Variants in TMEM236 observed in about 807,000 individuals in gnomAD.
TMEM236 encodes the protein family with sequence similarity 23, member A.
A neutral mutation model predicts 14.7 loss-of-function variants in TMEM236; 11 were observed. The observed-to-expected ratio is 0.75, with a 90% confidence interval of 0.47 to 1.24. The LOEUF is 1.24. Among genes scored for constraint, TMEM236 ranks in the 50% most tolerant of loss-of-function variants. The pLI is 0.00. For missense variants in TMEM236, 464 were observed against 427.3 expected, an observed-to-expected ratio of 1.09 and a Z score of -0.76; for synonymous variants, 182 against 168.6, an observed-to-expected ratio of 1.08 and a Z score of -0.62.
chr10:17,780,818 C>G (rs1837735411), intron 3 of TMEM236, among the ~76,000 whole-genome samples: 1 of 152,188 alleles, frequency 6.6e-6, no homozygotes, highest in African/African-American at 2.4e-5. Context: ...AGCTCTCTCT[C>G]TTTCGAGACA....
intron 3 of TMEM236, among the ~76,000 whole-genome samples, chr10:17,786,823 C>A (rs1212650292): frequency 6.6e-6 from 1 of 152,134 alleles, no homozygotes; most frequent in Non-Finnish European, 1.5e-5. Flanking sequence ...GTGGGAGGGT[C>A]CCAGGGGGAG....
intron 3 of TMEM236, among the ~76,000 whole-genome samples, chr10:17,789,198 A>T (rs1431547297): frequency 1.3e-5 from 2 of 152,170 alleles, no homozygotes; most frequent in South Asian, 4.1e-4. Context: ...TTTCTTTGTG[A>T]TGTGAACAGG....
rs920003944 is a variant in TMEM236, at chr10:17,798,775, A to G, written c.*2271A>G. 2.2e-4 allele frequency: 110 copies of G among 501,342 alleles called. No homozygotes were observed. The highest frequency in any genetic ancestry group is 3.5e-4 in the Non-Finnish European group (86 of 243,112). 31.1% of individuals were successfully genotyped at this position (501,342 alleles called of 1,614,324 possible). ...TGAACATAATACTAGTACTACATTA[A>G]TAGGGTTAGGAGGGTTAAAGGGTAA... is the stretch of plus-strand genomic sequence containing the variant. On this transcript the variant is annotated 3_prime_UTR_variant, in exon 4 of 4. Transcript: ENST00000377495.
chr10:17,799,318 A>G lies in TMEM236; in HGVS notation c.*2814A>G, dbSNP rs1204717415. On this transcript the variant is annotated 3_prime_UTR_variant, in exon 4 of 4. Transcript: ENST00000377495. ...TTATAACTTAAAAAAATTATAATAC[A>G]AGGCTCAGCGCAGTGCCTCAAGTGC... 1 of 153,144 alleles carries G rather than the reference A, an allele frequency of 6.5e-6. No individual in the cohort carries two copies. Among genetic ancestry groups the G allele is most frequent in the Non-Finnish European group, 1.5e-5 (1 of 68,802 alleles). 9.5% of individuals were successfully genotyped at this position (153,144 alleles called of 1,614,324 possible). A position where few individuals can be genotyped will look rare whatever the true frequency, so the allele number is the denominator to read the frequency against.
rs955479324 is a variant in TMEM236, at chr10:17,798,682, C to G, written c.*2178C>G. 2 of 534,382 alleles carry G rather than the reference C, an allele frequency of 3.7e-6. No homozygotes were observed. Among genetic ancestry groups the G allele is most frequent in the Non-Finnish European group, 7.7e-6 (2 of 259,926 alleles). 33.1% of individuals were successfully genotyped at this position (534,382 alleles called of 1,614,324 possible). On this transcript the variant is annotated 3_prime_UTR_variant, in exon 4 of 4. Transcript: ENST00000377495. ...TTTACTCACAGTTGTTAAAAGCTTG[C>G]CTTCCAGCTTTCTAATTTGAGGTAG...
chr10:17,759,014 A>G (rs1837319919), intron 1 of TMEM236, among the ~76,000 whole-genome samples: 1 of 152,254 alleles, frequency 6.6e-6, no homozygotes, highest in Admixed American at 6.5e-5. Flanking sequence ...AAACAATTTC[A>G]GAGAGCTTAA....
chr10:17,762,616 T>TATATAA, intron 1 of TMEM236, among the ~76,000 whole-genome samples: 1 of 54,218 alleles, frequency 1.8e-5, no homozygotes, highest in African/African-American at 6.9e-5. Flanking sequence ...TATATATATA[T>TATATAA]ATACACACAT....
At chr10:17,786,094 G>A (rs1255321211) in intron 3 of TMEM236, among the ~76,000 whole-genome samples, 1 of 152,082 alleles carries the variant, frequency 6.6e-6, no homozygotes, top group Non-Finnish European at 1.5e-5. Context: ...TCCTAAGTGG[G>A]CAAAAGAATT....
Position 17,798,651 on chromosome 10 carries a change from A to G in TMEM236, c.*2147A>G, listed in dbSNP as rs978326066. On this transcript the variant is annotated 3_prime_UTR_variant, in exon 4 of 4. Transcript: ENST00000377495. The stretch of plus-strand genomic sequence containing the variant: ...TTTAGGATTTTTCTCACACTGTAAA[A>G]GAAGATTTACTCACAGTTGTTAAAA... 7,609 of 534,466 alleles carry G rather than the reference A, an allele frequency of 0.014. 345 individuals carry two copies. Among genetic ancestry groups the G allele is most frequent in the African/African-American group, 0.11 (5,670 of 52,020 alleles). 33.1% of individuals were successfully genotyped at this position (534,466 alleles called of 1,614,324 possible). A position where few individuals can be genotyped will look rare whatever the true frequency, so the allele number is the denominator to read the frequency against.
At chr10:17,772,251 A>C (rs1837585185) in intron 2 of TMEM236, among the ~76,000 whole-genome samples, 1 of 152,232 alleles carries the variant, frequency 6.6e-6, no homozygotes, top group South Asian at 2.1e-4. Context: ...TGACATTAGA[A>C]ATTACATGGT....
intron 3 of TMEM236, among the ~76,000 whole-genome samples, chr10:17,784,839 G>T (rs1027579732): frequency 6.6e-6 from 1 of 152,150 alleles, no homozygotes; most frequent in African/African-American, 2.4e-5. Context: ...AAGCTCTGGG[G>T]TAACTGCTGT....
Position 17,798,843 on chromosome 10 carries a change from A to T in TMEM236, c.*2339A>T, listed in dbSNP as rs1338740013. The T allele has an allele frequency of 2.6e-6, 1 of 380,736 alleles. No homozygotes were observed. Among genetic ancestry groups the T allele is most frequent in the East Asian group, 7.3e-5 (1 of 13,786 alleles). The allele number at this position is 380,736 out of a possible 1,614,324, so 23.6% of individuals were successfully genotyped here. A position where few individuals can be genotyped will look rare whatever the true frequency, so the allele number is the denominator to read the frequency against. ...TTTTCTGGCAAACCATAATAACTTG[A>T]TAAATGCTAAGCATTGGAACGGGTA... On this transcript the variant is annotated 3_prime_UTR_variant, in exon 4 of 4. Transcript: ENST00000377495.
chr10:17,757,935 A>T (rs142501113), intron 1 of TMEM236, among the ~76,000 whole-genome samples: 1 of 151,590 alleles, frequency 6.6e-6, no homozygotes, highest in African/African-American at 2.4e-5. Flanking sequence ...CGCCTGGCTA[A>T]TTTTTTTATT....
At chr10:17,786,569 A>T (rs1837840576) in intron 3 of TMEM236, among the ~76,000 whole-genome samples, 1 of 152,188 alleles carries the variant, frequency 6.6e-6, no homozygotes, top group East Asian at 1.9e-4. Flanking sequence ...TACTAATAGT[A>T]AGGTCCTATC....
intron 2 of TMEM236, among the ~76,000 whole-genome samples, chr10:17,772,003 C>A (rs923199732): frequency 1.3e-5 from 2 of 151,986 alleles, no homozygotes; most frequent in African/African-American, 2.4e-5. Flanking sequence ...TTTATTTTCC[C>A]AAAGCATACT....
At chr10:17,779,469 A>G (rs1460571631) in intron 3 of TMEM236, among the ~76,000 whole-genome samples, 1 of 152,018 alleles carries the variant, frequency 6.6e-6, no homozygotes, top group African/African-American at 2.4e-5. Flanking sequence ...TTCTGCTCCC[A>G]TTTAATTAAT....
At position 17,800,620 on chromosome 10, in the gene TMEM236, G is replaced by C. The variant is rs1053250136; in HGVS notation, c.*4116G>C. 4 of 152,174 alleles carry C rather than the reference G, an allele frequency of 2.6e-5. No individual in the cohort carries two copies. Among genetic ancestry groups the C allele is most frequent in the Non-Finnish European group, 5.9e-5 (4 of 68,040 alleles). 9.4% of individuals were successfully genotyped at this position (152,174 alleles called of 1,614,324 possible). On this transcript the variant is annotated 3_prime_UTR_variant, in exon 4 of 4. Coordinates refer to ENST00000377495, the MANE Select transcript of TMEM236 (RefSeq NM_001098844.3). ...AGTCCTACTATGTTCTGGGCACTAT[G>C]CTGTTTGCCTAATACATAATTGCCT... is the stretch of plus-strand genomic sequence containing the variant.
chr10:17,787,530 G>A (rs1388636019), intron 3 of TMEM236, among the ~76,000 whole-genome samples: 5 of 152,238 alleles, frequency 3.3e-5, no homozygotes, highest in Non-Finnish European at 7.3e-5. Flanking sequence ...GAGCTTTCAT[G>A]CTTTGGCTTC....
Position 17,796,685 on chromosome 10 carries a change from A to T in TMEM236, c.*181A>T. ...TTTTTTACATATACAAATGGTGCTA[A>T]ATTTAAGTAAAGTAATATTCTTATA... On this transcript the variant is annotated 3_prime_UTR_variant, in exon 4 of 4. Coordinates refer to ENST00000377495, the MANE Select transcript of TMEM236 (RefSeq NM_001098844.3). 1.6e-6 allele frequency: 1 copy of T among 613,688 alleles called. No homozygotes were observed. The allele number at this position is 613,688 out of a possible 1,614,324, so 38.0% of individuals were successfully genotyped here. A position where few individuals can be genotyped will look rare whatever the true frequency, so the allele number is the denominator to read the frequency against.
Sources: gnomAD v4.1 joint callset for allele counts (sites outside exome capture counted in the v4.1 genomes callset) on GRCh38, gnomAD v4.1.1 for gene constraint, MANE v1.5 for transcripts, NCBI Gene and HGNC (gene_info 2026-07-23, HGNC 2026-07-21) for gene names.